The following PDE1A variants were observed in gnomAD, a reference collection of about 807,000 sequenced individuals.
PDE1A encodes the protein dual specificity calcium/calmodulin-dependent 3',5'-cyclic nucleotide phosphodiesterase 1A.
A neutral mutation model predicts 61.7 loss-of-function variants in PDE1A; 35 were observed. That is an observed-to-expected ratio of 0.57 (90% CI 0.43 to 0.75). The LOEUF (loss-of-function observed/expected upper bound fraction) is 0.75. PDE1A is among the 30% of genes least tolerant of loss of function. The pLI, the probability that PDE1A is intolerant of heterozygous loss-of-function variation, is 0.00. For missense variants in PDE1A, 597 were observed against 630.6 expected, an observed-to-expected ratio of 0.95 and a Z score of 0.57; for synonymous variants, 232 against 213.2, an observed-to-expected ratio of 1.09 and a Z score of -0.77.
At chr2:182,499,712 T>C (rs1688973841) in intron 2 of PDE1A, among the ~76,000 whole-genome samples, 2 of 152,222 alleles carry the variant, frequency 1.3e-5, no homozygotes, top group East Asian at 1.9e-4. Flanking sequence ...TACTTATGTT[T>C]GAACCAACTA....
At chr2:182,695,632 A>C in the PDE1A span, among the ~76,000 whole-genome samples, 1 of 142,442 alleles carries the variant, frequency 7.0e-6, no homozygotes, top group South Asian at 2.2e-4. Flanking sequence ...GCGCCACTGC[A>C]CTCCAGCCTG....
At chr2:182,704,639 T>C in the PDE1A span, among the ~76,000 whole-genome samples, 5 of 152,222 alleles carry the variant, frequency 3.3e-5, no homozygotes, top group African/African-American at 7.2e-5. Context: ...TTAACATGTA[T>C]ATTTGTGAAA....
At chr2:182,493,229 T>A (rs552651510) in intron 2 of PDE1A, among the ~76,000 whole-genome samples, 1 of 64,904 alleles carries the variant, frequency 1.5e-5, no homozygotes, top group Non-Finnish European at 2.7e-5. Flanking sequence ...CTTTCTCGAC[T>A]AACTTTTTTT....
chr2:182,515,742 G>C (rs1194422243), intron 2 of PDE1A, among the ~76,000 whole-genome samples: 1 of 152,116 alleles, frequency 6.6e-6, no homozygotes, highest in Non-Finnish European at 1.5e-5. Context: ...CAATTTCCAA[G>C]AAAGATCACA....
chr2:182,438,266 A>G (rs1311517039), intron 2 of PDE1A, among the ~76,000 whole-genome samples: 1 of 151,872 alleles, frequency 6.6e-6, no homozygotes, highest in African/African-American at 2.4e-5. Flanking sequence ...TCTTATACCA[A>G]GTTATTTAGC....
At chr2:182,622,982 A>G in the PDE1A span, among the ~76,000 whole-genome samples, 1 of 152,188 alleles carries the variant, frequency 6.6e-6, no homozygotes, top group Admixed American at 6.5e-5. Context: ...AAAAGAGGAT[A>G]TGGCTTAATT....
chr2:182,165,517 A>G (rs1031152157), downstream of PDE1A, among the ~76,000 whole-genome samples: 36 of 152,166 alleles, frequency 2.4e-4, no homozygotes, highest in African/African-American at 8.4e-4. Flanking sequence ...GGAATACAGA[A>G]GGTTCCTTAG....
the PDE1A span, among the ~76,000 whole-genome samples, chr2:182,633,186 G>A: frequency 6.6e-6 from 1 of 152,276 alleles, no homozygotes; most frequent in South Asian, 2.1e-4. Context: ...TGGGTAAATA[G>A]CACAACATGA....
chr2:182,631,292 T>TTA, the PDE1A span, among the ~76,000 whole-genome samples: 1 of 142,078 alleles, frequency 7.0e-6, no homozygotes, highest in Admixed American at 7.3e-5. Flanking sequence ...TTCTTTTTTT[T>TTA]TTAATTAATT....
At chr2:182,553,325 G>A in the PDE1A span, among the ~76,000 whole-genome samples, 1 of 152,178 alleles carries the variant, frequency 6.6e-6, no homozygotes. Context: ...CTGCCTCCCA[G>A]GTTCAAGTGA....
At chr2:182,554,116 A>T in the PDE1A span, among the ~76,000 whole-genome samples, 2 of 152,260 alleles carry the variant, frequency 1.3e-5, no homozygotes, top group South Asian at 2.1e-4. Flanking sequence ...AAGGACTATA[A>T]TACTTAGATG....
Position 182,329,996 on chromosome 2 carries a change from C to T in PDE1A, c.54-65582G>A, listed in dbSNP as rs187425945. The stretch of plus-strand genomic sequence containing the variant: ...AGTTGTTGAATGAACCTCAAATTAC[C>T]ATCTGTGACTATTTAATAAACATTA... On this transcript the variant is annotated intron_variant, in intron 1 of 13. Coordinates refer to ENST00000351439, the Ensembl canonical transcript of PDE1A. Among the ~76,000 whole-genome samples the T allele has an allele frequency of 4.5e-3, 688 of 151,848 alleles. 5 individuals carry two copies. Among genetic ancestry groups the T allele is most frequent in the Non-Finnish European group, 8.4e-3 (570 of 67,958 alleles).
chr2:182,280,139 GT>G (rs139848968), intron 1 of PDE1A, among the ~76,000 whole-genome samples: 3 of 151,626 alleles, frequency 2.0e-5, no homozygotes, highest in South Asian at 2.1e-4. Flanking sequence ...ATGCCTTTGG[GT>G]TTTTTTTATT....
chr2:182,226,646 A>G, intron 6 of PDE1A, among the ~76,000 whole-genome samples: 1 of 149,844 alleles, frequency 6.7e-6, no homozygotes, highest in East Asian at 1.9e-4. Flanking sequence ...GCCAGAGAGA[A>G]CGAGGTTAAA....
intron 1 of PDE1A, among the ~76,000 whole-genome samples, chr2:182,283,271 G>A (rs1693936097): frequency 6.6e-6 from 1 of 151,920 alleles, no homozygotes; most frequent in African/African-American, 2.4e-5. Flanking sequence ...ATGATAAAGT[G>A]ATTCTGATGT....
At chr2:182,160,935 A>G (rs1691343583) in intron 13 of PDE1A, among the ~76,000 whole-genome samples, 1 of 152,166 alleles carries the variant, frequency 6.6e-6, no homozygotes, top group South Asian at 2.1e-4. Context: ...TTAAACCTAA[A>G]TAGTCTTTGG....
intron 4 of PDE1A, 34 bp downstream of exon 4, chr2:182,234,398 C>T: frequency 1.4e-6 from 2 of 1,464,080 alleles, no homozygotes; most frequent in African/African-American, 1.4e-5. Context: ...TTAAAATGAC[C>T]ATTTTATACA....
rs772600912 is a variant in PDE1A at position 182,246,394 on chromosome 2, CTTTT to C, written c.168-6106_168-6103del. On this transcript the variant is annotated intron_variant, in intron 2 of 13. Transcript: ENST00000351439. ...TTTTTATTCTACTATAGTCTTTTTT[CTTTT>C]TTCTTTCTTTTTTTTTTTTTTTTTT... Among the ~76,000 whole-genome samples, 994 of 105,362 alleles carry C rather than the reference CTTTT, an allele frequency of 9.4e-3. 18 individuals are homozygous for C. Among genetic ancestry groups the C allele is most frequent in the African/African-American group, 0.033 (932 of 28,166 alleles). 69.1% of individuals were successfully genotyped at this position (105,362 alleles called of 152,430 possible).
intron 1 of PDE1A, among the ~76,000 whole-genome samples, chr2:182,425,353 A>G (rs1703549079): frequency 6.6e-6 from 1 of 152,180 alleles, no homozygotes; most frequent in South Asian, 2.1e-4. Context: ...CTTTTTAGGA[A>G]ATATGGTAGG....
Sources: allele counts gnomAD v4.1 joint callset (sites outside exome capture counted in the v4.1 genomes callset), GRCh38; gene constraint gnomAD v4.1.1; transcripts MANE v1.5; gene names NCBI Gene and HGNC (gene_info 2026-07-23, HGNC 2026-07-21).